Variants in UBR3 observed in about 807,000 individuals in gnomAD.
UBR3 encodes the protein ubiquitin protein ligase E3 component n-recognin 3.
A neutral mutation model predicts 243.2 loss-of-function variants in UBR3; 85 were observed. The ratio of observed to expected loss-of-function variants is 0.35; its 90% CI spans 0.29 to 0.42. The LOEUF (loss-of-function observed/expected upper bound fraction) is 0.42. Ranked by LOEUF, UBR3 falls within the 10% of genes least tolerant of loss-of-function variation. The probability of loss-of-function intolerance (pLI) is 1.00; values close to 1 mark genes in which losing one functional copy is unlikely to be tolerated. For missense variants in UBR3, 1,686 were observed against 2,300.8 expected (o/e 0.73, Z 5.47); for synonymous variants, 748 against 799.8 (o/e 0.94, Z 1.09).
chr2:169,974,683 C>T (rs370497568), intron 24 of UBR3, among the ~76,000 whole-genome samples: 68 of 151,754 alleles, frequency 4.5e-4, no homozygotes, highest in African/African-American at 1.6e-3. Flanking sequence ...TTATTATTTC[C>T]TTCCTCTTGC....
At chr2:169,896,157 G>C (rs550310497) in intron 7 of UBR3, among the ~76,000 whole-genome samples, 1 of 152,222 alleles carries the variant, frequency 6.6e-6, no homozygotes, top group East Asian at 1.9e-4. Flanking sequence ...GCGTGATGGC[G>C]TGTGCCTGTA....
chr2:169,827,846 C>T lies in UBR3; in HGVS notation c.339C>T (p.Ala113=), dbSNP rs2081793983. 2 of 1,505,678 alleles carry T rather than the reference C, an allele frequency of 1.3e-6. No individual in the cohort carries two copies. Among genetic ancestry groups the T allele is most frequent in the Non-Finnish European group, 1.8e-6 (2 of 1,131,508 alleles). The allele number at this position is 1,505,678 out of a possible 1,614,324, so 93.3% of individuals were successfully genotyped here. ...GYDEFCAAVR[A]YDPAALCGLV... is the part of the protein sequence containing the mutation. Reference sequence around the variant, plus strand: ...ACGAGTTCTGCGCGGCGGTGCGGGCCTACGATCCCGCGGCGCTCTGCGGCC... The same window carrying T: ...ACGAGTTCTGCGCGGCGGTGCGGGCTTACGATCCCGCGGCGCTCTGCGGCC... Residue 113 remains alanine, a synonymous_variant, in exon 1 of 39, where the codon GCC becomes GCT. Transcript: ENST00000272793.
intron 10 of UBR3, among the ~76,000 whole-genome samples, chr2:169,912,476 T>C (rs1318954081): frequency 2.0e-5 from 3 of 152,202 alleles, no homozygotes; most frequent in Admixed American, 1.3e-4. Context: ...GCCTTTTGTG[T>C]CTGACTTCTT....
intron 5 of UBR3, among the ~76,000 whole-genome samples, chr2:169,884,495 T>G (rs1261083381): frequency 6.6e-6 from 1 of 152,174 alleles, no homozygotes; most frequent in Non-Finnish European, 1.5e-5. Flanking sequence ...ATACTGAAAT[T>G]TTATTAGTAT....
intron 1 of UBR3, among the ~76,000 whole-genome samples, chr2:169,859,313 C>T (rs2083003025): frequency 6.6e-6 from 1 of 152,156 alleles, no homozygotes; most frequent in Non-Finnish European, 1.5e-5. Context: ...CCTCGTGATC[C>T]ACCCGCCTCG....
At chr2:169,947,742 A>C (rs1290771816) in intron 22 of UBR3, 27 bp downstream of exon 22, 7 of 1,430,542 alleles carry the variant, frequency 4.9e-6, no homozygotes. Context: ...GAAAGAAAAT[A>C]AGAAAAAGCT....
intron 24 of UBR3, among the ~76,000 whole-genome samples, chr2:169,980,085 CA>C (rs1176784304): frequency 2.6e-5 from 4 of 152,116 alleles, no homozygotes; most frequent in Admixed American, 2.6e-4. Flanking sequence ...TGTGTATAAC[CA>C]GTGAATAAAA....
intron 35 of UBR3, among the ~76,000 whole-genome samples, chr2:170,067,770 A>T (rs1022083812): frequency 1.0e-4 from 14 of 138,480 alleles, no homozygotes; most frequent in Non-Finnish European, 2.2e-4. Context: ...CAAGGAAATA[A>T]TTTTTTTTTT....
chr2:169,958,980 G>A (rs1424581272), intron 24 of UBR3, among the ~76,000 whole-genome samples: 1 of 152,160 alleles, frequency 6.6e-6, no homozygotes, highest in Non-Finnish European at 1.5e-5. Flanking sequence ...CAGTGAGAGA[G>A]GATACCATGT....
intron 25 of UBR3, among the ~76,000 whole-genome samples, chr2:169,993,572 A>G (rs1331346258): frequency 1.3e-5 from 2 of 152,132 alleles, no homozygotes; most frequent in Non-Finnish European, 2.9e-5. Flanking sequence ...TTGAAGTTAA[A>G]CAGTTTTGGC....
intron 28 of UBR3, among the ~76,000 whole-genome samples, chr2:170,008,470 A>G (rs73976848): frequency 0.022 from 3,388 of 152,254 alleles, 114 homozygotes; most frequent in African/African-American, 0.077. Flanking sequence ...AACTTAAATG[A>G]AAGTCAGGTT....
At chr2:170,016,443 C>A (rs1373841170) in intron 30 of UBR3, among the ~76,000 whole-genome samples, 1 of 151,738 alleles carries the variant, frequency 6.6e-6, no homozygotes, top group East Asian at 1.9e-4. Context: ...TTCATCTAAA[C>A]CCTATTTCTA....
intron 31 of UBR3, among the ~76,000 whole-genome samples, chr2:170,034,274 C>T (rs79375084): frequency 0.022 from 3,384 of 151,984 alleles, 120 homozygotes; most frequent in African/African-American, 0.076. Context: ...ATTTGGCCAC[C>T]GTTGTAGTAT....
At chr2:169,934,908 C>T (rs995800870) in intron 19 of UBR3, among the ~76,000 whole-genome samples, 1 of 152,120 alleles carries the variant, frequency 6.6e-6, no homozygotes, top group Non-Finnish European at 1.5e-5. Flanking sequence ...TTTATAAAAG[C>T]GTCTTGTGGG....
chr2:169,885,881 T>C (rs1238198625), intron 5 of UBR3, among the ~76,000 whole-genome samples: 2 of 152,064 alleles, frequency 1.3e-5, no homozygotes, highest in African/African-American at 4.8e-5. Flanking sequence ...GAAAAAAGGC[T>C]GGGTGCAGTG....
chr2:170,050,611 T>A (rs1027330796), intron 32 of UBR3, among the ~76,000 whole-genome samples: 10 of 152,226 alleles, frequency 6.6e-5, no homozygotes, highest in Non-Finnish European at 1.3e-4. Flanking sequence ...TTGTAGTTTT[T>A]AAACACATTG....
At chr2:169,984,682 A>G (rs2088913190) in intron 24 of UBR3, among the ~76,000 whole-genome samples, 1 of 152,174 alleles carries the variant, frequency 6.6e-6, no homozygotes, top group East Asian at 1.9e-4. Flanking sequence ...AGAATCAACC[A>G]TATATTACCA....
intron 1 of UBR3, among the ~76,000 whole-genome samples, chr2:169,843,328 A>T (rs1227199807): frequency 6.6e-6 from 1 of 152,198 alleles, no homozygotes; most frequent in Non-Finnish European, 1.5e-5. Context: ...GCATCTTCAC[A>T]TGGTGGAAGG....
In UBR3 at chr2:170,001,947, GA is replaced by G. The variant is rs2089727921; in HGVS notation, c.4029+538del. On this transcript the variant is annotated intron_variant, in intron 27 of 38. Coordinates refer to ENST00000272793, the MANE Select transcript of UBR3 (RefSeq NM_172070.4). ...AAAAAAAAAAAAAAAAAAAAAGAAA[GA>G]AAAATTTTTTTCACTTTAGCAACTG... Among the ~76,000 whole-genome samples, 3 of 100,762 alleles carry G rather than the reference GA, an allele frequency of 3.0e-5. No individual in the cohort carries two copies. The East Asian group carries it at 8.0e-4, about 27-fold the overall frequency. 66.1% of individuals were successfully genotyped at this position (100,762 alleles called of 152,430 possible).
Sources: gnomAD v4.1 joint callset for allele counts (sites outside exome capture counted in the v4.1 genomes callset) on GRCh38, gnomAD v4.1.1 for gene constraint, MANE v1.5 for transcripts, NCBI Gene and HGNC (gene_info 2026-07-23, HGNC 2026-07-21) for gene names.